The following PRKN variants were observed in gnomAD, a reference collection of about 807,000 sequenced individuals.
PRKN encodes the protein parkin RBR E3 ubiquitin protein ligase.
In PRKN, 56 loss-of-function variants were observed where a neutral mutation model predicts 59.5. The ratio of observed to expected loss-of-function variants is 0.94; its 90% CI spans 0.76 to 1.18. The LOEUF (loss-of-function observed/expected upper bound fraction) is 1.18, where lower values mean the gene tolerates loss of function less well. PRKN is among the 50% of genes most tolerant of loss of function. The pLI is 0.00. For synonymous variants in PRKN, 250 were observed against 222.1 expected (o/e 1.13, Z -1.12); for missense variants, 657 against 596.4 (o/e 1.10, Z -1.06).
chr6:161,790,003 C>G (rs1242838539), intron 6 of PRKN, among the ~76,000 whole-genome samples: 1 of 152,112 alleles, frequency 6.6e-6, no homozygotes, highest in African/African-American at 2.4e-5. Flanking sequence ...GGATAAATAC[C>G]TTATAGTTAT....
chr6:162,342,703 C>T (rs1784233646), intron 2 of PRKN, among the ~76,000 whole-genome samples: 2 of 152,256 alleles, frequency 1.3e-5, no homozygotes, highest in South Asian at 4.1e-4. Context: ...CTTCTCTAAG[C>T]TCTTGTGTTG....
At chr6:161,785,679 G>C in intron 7 of PRKN, 93 bp downstream of exon 7, 1 of 1,173,412 alleles carries the variant, frequency 8.5e-7, no homozygotes. Context: ...TCTTCTGCTA[G>C]GGTTTACGTA....
At chr6:161,511,883 A>G (rs1252144807) in intron 9 of PRKN, among the ~76,000 whole-genome samples, 5 of 152,030 alleles carry the variant, frequency 3.3e-5, no homozygotes, top group African/African-American at 1.2e-4. Flanking sequence ...AGAATATCTC[A>G]CTTTAGCGGA....
chr6:161,716,369 C>G (rs1433916183), intron 7 of PRKN, among the ~76,000 whole-genome samples: 1 of 152,122 alleles, frequency 6.6e-6, no homozygotes, highest in African/African-American at 2.4e-5. Context: ...AGTAGCAGTG[C>G]TTTTTTCCCC....
rs377594454 is a variant in PRKN at position 162,100,454 on chromosome 6, CT to C, written c.535-46281del. 8.6e-3 allele frequency among the ~76,000 whole-genome samples: 1,233 copies of C among 143,582 alleles called. 4 individuals carry two copies. The highest frequency in any genetic ancestry group is 0.014 in the Middle Eastern group (4 of 280). 94.2% of individuals were successfully genotyped at this position (143,582 alleles called of 152,430 possible). A position where few individuals can be genotyped will look rare whatever the true frequency, so the allele number is the denominator to read the frequency against. ...ACTTATTATCTCTTGTCTTTCTTGTCTTTTTTTTTTTTTTAAGATAGATGTC... is the reference window on the plus strand; with the variant it reads ...ACTTATTATCTCTTGTCTTTCTTGTCTTTTTTTTTTTTTAAGATAGATGTC... On this transcript the variant is annotated intron_variant, in intron 4 of 11. Coordinates refer to ENST00000366898, the MANE Select transcript of PRKN (RefSeq NM_004562.3).
chr6:161,711,254 AGG>A (rs987928238), intron 7 of PRKN, among the ~76,000 whole-genome samples: 2 of 152,196 alleles, frequency 1.3e-5, no homozygotes, highest in Non-Finnish European at 2.9e-5. Context: ...AATGGAAGAA[AGG>A]GAAATACATA....
At chr6:161,667,991 A>C (rs1784781676) in intron 7 of PRKN, among the ~76,000 whole-genome samples, 1 of 152,212 alleles carries the variant, frequency 6.6e-6, no homozygotes. Flanking sequence ...ACCATTGCTT[A>C]CATGAATGTA....
intron 4 of PRKN, among the ~76,000 whole-genome samples, chr6:162,114,604 G>C (rs1780585906): frequency 1.3e-5 from 2 of 151,720 alleles, no homozygotes; most frequent in Non-Finnish European, 1.5e-5. Flanking sequence ...GTCTGAAAAA[G>C]GGCTAATATC....
rs9458233 is a variant in PRKN at position 161,354,694 on chromosome 6, C to T, written c.1286-4483G>A. ...AGCTGAGTATGTAACAGGCCACGAACCTTGGTGACAACCAGGTAACATCCT... is the reference window on the plus strand; with the variant it reads ...AGCTGAGTATGTAACAGGCCACGAATCTTGGTGACAACCAGGTAACATCCT... On this transcript the variant is annotated intron_variant, in intron 11 of 11. Coordinates refer to ENST00000366898, the MANE Select transcript of PRKN (RefSeq NM_004562.3). The surrounding 1 kb of genome is among the most constrained non-coding windows in gnomAD (Gnocchi z 6.7). Among the ~76,000 whole-genome samples, 962 of 152,284 alleles carry T rather than the reference C, an allele frequency of 6.3e-3. 9 individuals carry two copies. Among genetic ancestry groups the T allele is most frequent in the African/African-American group, 0.022 (917 of 41,548 alleles).
intron 1 of PRKN, among the ~76,000 whole-genome samples, chr6:162,672,694 G>C (rs921183240): frequency 0.019 from 1,942 of 104,114 alleles, 47 homozygotes; most frequent in African/African-American, 0.05. Flanking sequence ...AAGTGTGTGT[G>C]TGTGTGTGTG....
intron 2 of PRKN, among the ~76,000 whole-genome samples, chr6:162,321,520 TA>T (rs1253287279): frequency 6.6e-6 from 1 of 151,938 alleles, no homozygotes; most frequent in Non-Finnish European, 1.5e-5. Context: ...ACTTCCAATT[TA>T]TTTTTTTTCA....
chr6:161,957,443 T>G (rs1490794909), intron 6 of PRKN, among the ~76,000 whole-genome samples: 1 of 145,630 alleles, frequency 6.9e-6, no homozygotes, highest in Admixed American at 7.3e-5. Context: ...TTTGTTTTTT[T>G]GAGCCAGAGT....
At chr6:161,589,641 C>T (rs916229738) in intron 7 of PRKN, among the ~76,000 whole-genome samples, 1 of 151,692 alleles carries the variant, frequency 6.6e-6, no homozygotes, top group Admixed American at 6.6e-5. Context: ...AAGGATTTTG[C>T]TTCTTTCATG....
intron 7 of PRKN, among the ~76,000 whole-genome samples, chr6:161,757,308 A>G (rs550205591): frequency 6.6e-6 from 1 of 152,318 alleles, no homozygotes; most frequent in African/African-American, 2.4e-5. Flanking sequence ...CCACACACAG[A>G]GAGAAAACAT....
chr6:162,684,527 AGAGGGTGG>A (rs1779894127), intron 1 of PRKN, among the ~76,000 whole-genome samples: 1 of 152,092 alleles, frequency 6.6e-6, no homozygotes, highest in Admixed American at 6.6e-5. Flanking sequence ...ATCCATTTAG[AGAGGGTGG>A]GAAACTCAGG....
chr6:162,454,960 T>C (rs1005764331), intron 1 of PRKN, among the ~76,000 whole-genome samples: 3 of 152,202 alleles, frequency 2.0e-5, no homozygotes, highest in Non-Finnish European at 4.4e-5. Flanking sequence ...ATGTATTTTT[T>C]AGCCATTTCG....
rs536115887 is a variant in PRKN at position 162,266,941 on chromosome 6, A to G, written c.172-4176T>C. Among the ~76,000 whole-genome samples the G allele has an allele frequency of 4.6e-4, 70 of 152,306 alleles. 1 individual carries two copies. Among genetic ancestry groups the G allele is most frequent in the African/African-American group, 1.3e-3 (54 of 41,574 alleles). On this transcript the variant is annotated intron_variant, in intron 2 of 11. Coordinates refer to ENST00000366898, the MANE Select transcript of PRKN (RefSeq NM_004562.3). The stretch of plus-strand genomic sequence containing the variant: ...ATAAGCAGAAGCTATCAATGTGACA[A>G]TCTCTCTGGTAGCATTCCAACTTTC...
chr6:162,292,326 A>C (rs986410605), intron 2 of PRKN, among the ~76,000 whole-genome samples: 4 of 152,298 alleles, frequency 2.6e-5, no homozygotes, highest in South Asian at 2.1e-4. Context: ...ATTAATCACC[A>C]GAGATGCAAC....
intron 9 of PRKN, among the ~76,000 whole-genome samples, chr6:161,536,637 G>C (rs187659124): frequency 6.1e-4 from 93 of 152,298 alleles, no homozygotes; most frequent in Admixed American, 1.6e-3. Flanking sequence ...ATAGCCTATA[G>C]AGTCGGTTTC....
Sources: gnomAD v4.1 joint callset for allele counts (sites outside exome capture counted in the v4.1 genomes callset) on GRCh38, gnomAD v4.1.1 for gene constraint, Gnocchi (gnomAD v3.1) non-coding constraint, MANE v1.5 for transcripts, NCBI Gene and HGNC (gene_info 2026-07-23, HGNC 2026-07-21) for gene names.